MAP3K7CL: variants seen among roughly 807,000 people sequenced by gnomAD.
The protein encoded by MAP3K7CL is MAP3K7 C-terminal-like protein.
A neutral mutation model predicts 18.6 loss-of-function variants in MAP3K7CL; 16 were observed. The observed-to-expected ratio is 0.86, with a 90% CI of 0.58 to 1.31. The LOEUF (loss-of-function observed/expected upper bound fraction) is 1.31. MAP3K7CL is among the 50% of genes most tolerant of loss of function. The pLI is 0.00. For synonymous variants in MAP3K7CL, 65 were observed against 66.8 expected, an observed-to-expected ratio of 0.97 and a Z score of 0.13; for missense variants, 163 against 174.4, an observed-to-expected ratio of 0.93 and a Z score of 0.37.
intron 2 of MAP3K7CL, among the ~76,000 whole-genome samples, chr21:29,137,561 T>C (rs1048357946): frequency 6.6e-6 from 1 of 152,152 alleles, no homozygotes; most frequent in Admixed American, 6.6e-5. Context: ...ACATATCTTG[T>C]AACCAGTTTT....
At chr21:29,088,510 A>G (rs759759955) in intron 1 of MAP3K7CL, among the ~76,000 whole-genome samples, 1 of 152,236 alleles carries the variant, frequency 6.6e-6, no homozygotes, top group Non-Finnish European at 1.5e-5. Flanking sequence ...GCAAAGTTTA[A>G]TTTAACCACG....
intron 2 of MAP3K7CL, among the ~76,000 whole-genome samples, chr21:29,142,830 C>T (rs1046831624): frequency 6.6e-6 from 1 of 152,200 alleles, no homozygotes; most frequent in African/African-American, 2.4e-5. Context: ...AACTGAGTCT[C>T]AAGAAGATTA....
intron 4 of MAP3K7CL, among the ~76,000 whole-genome samples, chr21:29,123,895 C>G (rs2086639164): frequency 6.6e-6 from 1 of 152,056 alleles, no homozygotes; most frequent in African/African-American, 2.4e-5. Flanking sequence ...TCTATCTATA[C>G]TATAATAACA....
At chr21:29,138,713 G>A (rs1298941525) in intron 2 of MAP3K7CL, among the ~76,000 whole-genome samples, 1 of 152,234 alleles carries the variant, frequency 6.6e-6, no homozygotes, top group African/African-American at 2.4e-5. Flanking sequence ...CAGGCACGGT[G>A]GCTCATACCT....
intron 4 of MAP3K7CL, among the ~76,000 whole-genome samples, chr21:29,093,194 G>T (rs2086060310): frequency 1.3e-5 from 2 of 152,172 alleles, no homozygotes; most frequent in African/African-American, 4.8e-5. Context: ...GTAAGCCCCT[G>T]CACCCAGCTG....
At chr21:29,128,845 G>A (rs747859315), upstream of MAP3K7CL, among the ~76,000 whole-genome samples, 6 of 152,036 alleles carry the variant, frequency 3.9e-5, no homozygotes, top group African/African-American at 1.2e-4. Context: ...AATTCACTTC[G>A]ATAAATTATA....
At chr21:29,111,263 GA>G in intron 4 of MAP3K7CL, among the ~76,000 whole-genome samples, 1 of 134,768 alleles carries the variant, frequency 7.4e-6, no homozygotes, top group Admixed American at 7.8e-5. Flanking sequence ...CTCAAAAAAA[GA>G]AAAAACAAAA....
At chr21:29,110,959 A>G (rs1333758302) in intron 4 of MAP3K7CL, among the ~76,000 whole-genome samples, 3 of 152,118 alleles carry the variant, frequency 2.0e-5, no homozygotes, top group Non-Finnish European at 2.9e-5. Context: ...CTTCCATGTA[A>G]AAAATGTTCC....
At chr21:29,131,766 T>C (rs2086785145) in intron 1 of MAP3K7CL, among the ~76,000 whole-genome samples, 1 of 152,228 alleles carries the variant, frequency 6.6e-6, no homozygotes, top group Non-Finnish European at 1.5e-5. Context: ...CTGATCTTTT[T>C]TCATATGCTG....
At position 29,171,800 on chromosome 21, in the gene MAP3K7CL, C is replaced by G. The variant is rs184693598; in HGVS notation, c.249-2912C>G. ...CCAGTCTGGGTGACAGAGTGAGACT[C>G]CATCTCAAAAAAAAAAAAAAAAAAA... On this transcript the variant is annotated intron_variant, in intron 4 of 4. Transcript: ENST00000399928. 9.6e-3 allele frequency among the ~76,000 whole-genome samples: 1,055 copies of G among 110,328 alleles called. 7 individuals carry two copies. Among genetic ancestry groups the G allele is most frequent in the South Asian group, 0.013 (36 of 2,880 alleles). The allele number at this position is 110,328 out of a possible 152,430, so 72.4% of individuals were successfully genotyped here. A position where few individuals can be genotyped will look rare whatever the true frequency, so the allele number is the denominator to read the frequency against.
In MAP3K7CL at chr21:29,175,750, G is replaced by C. The variant is rs2087952195; in HGVS notation, c.*858G>C. On this transcript the variant is annotated 3_prime_UTR_variant, in exon 5 of 5. Coordinates refer to ENST00000399928, the MANE Select transcript of MAP3K7CL (RefSeq NM_001286620.2). ...GTTTTAGATCAGTAACAGCTAATAG[G>C]AATATGCGAGTAAATTCAGAATTGA... The C allele has an allele frequency of 6.6e-6, 1 of 152,192 alleles. No individual in the cohort carries two copies. The highest frequency in any genetic ancestry group is 2.4e-5 in the African/African-American group (1 of 41,448). 9.4% of individuals were successfully genotyped at this position (152,192 alleles called of 1,614,324 possible).
chr21:29,119,146 T>G (rs1333336824), intron 4 of MAP3K7CL, among the ~76,000 whole-genome samples: 1 of 152,200 alleles, frequency 6.6e-6, no homozygotes, highest in Non-Finnish European at 1.5e-5. Flanking sequence ...GCCACCTCCT[T>G]TCCACAGTGT....
chr21:29,162,447 C>T (rs1327429180), intron 4 of MAP3K7CL, among the ~76,000 whole-genome samples: 1 of 150,572 alleles, frequency 6.6e-6, no homozygotes, highest in East Asian at 2.0e-4. Flanking sequence ...TTTGGGAGGC[C>T]GAGGCAGGCA....
Position 29,174,834 on chromosome 21 carries a change from G to A in MAP3K7CL, c.371G>A (p.Cys124Tyr), listed in dbSNP as rs2087928880. The stretch of plus-strand genomic sequence containing the variant: ...ACGTTGAGGTTGGCCCAGTCTCAAT[G>A]TGTGGAACAACTGGAGAAACTTCGA... ...NRTLRLAQSQ[C>Y]VEQLEKLRIQ... The change falls in exon 5 of 5, where the codon TGT (cysteine) becomes TAT (tyrosine). Residue 124 changes from cysteine (C) to tyrosine (Y), a missense_variant. Coordinates refer to ENST00000399928, the MANE Select transcript of MAP3K7CL (RefSeq NM_001286620.2). 7 of 1,614,178 alleles carry A rather than the reference G, an allele frequency of 4.3e-6. No homozygotes were observed. Among genetic ancestry groups the A allele is most frequent in the South Asian group, 1.1e-5 (1 of 91,084 alleles).
At chr21:29,092,186 A>C (rs1568929918) in intron 3 of MAP3K7CL, 4 of 445,920 alleles carry the variant, frequency 9.0e-6, no homozygotes, top group African/African-American at 1.9e-5. Context: ...TTATAAGAAA[A>C]ATCTGAGGCA....
At chr21:29,104,097 T>C (rs914585038) in intron 4 of MAP3K7CL, among the ~76,000 whole-genome samples, 2 of 152,130 alleles carry the variant, frequency 1.3e-5, no homozygotes, top group Non-Finnish European at 2.9e-5. Context: ...TTGATACATA[T>C]TTGTTTTGTT....
intron 3 of MAP3K7CL, among the ~76,000 whole-genome samples, chr21:29,158,004 C>T (rs140125915): frequency 1.3e-4 from 20 of 152,314 alleles, no homozygotes; most frequent in Non-Finnish European, 2.2e-4. Flanking sequence ...GGTACCTACA[C>T]GTACTGAGCT....
intron 3 of MAP3K7CL, among the ~76,000 whole-genome samples, chr21:29,150,810 C>T (rs1378061054): frequency 6.9e-6 from 1 of 145,878 alleles, no homozygotes; most frequent in Non-Finnish European, 1.5e-5. Context: ...CCCTTGGTCA[C>T]CCAGGCTGGA....
chr21:29,169,897 G>A (rs1345225077), intron 4 of MAP3K7CL, among the ~76,000 whole-genome samples: 1 of 152,178 alleles, frequency 6.6e-6, no homozygotes, highest in Non-Finnish European at 1.5e-5. Context: ...CCAAAGTTAT[G>A]ACCTTTTAGG....
Sources: gnomAD v4.1 joint callset for allele counts (sites outside exome capture counted in the v4.1 genomes callset) on GRCh38, gnomAD v4.1.1 for gene constraint, MANE v1.5 for transcripts, NCBI Gene and HGNC (gene_info 2026-07-23, HGNC 2026-07-21) for gene names.